Variants in MYO16 observed in about 807,000 individuals in gnomAD.
The protein encoded by MYO16 is unconventional myosin-XVI.
In MYO16, 94 loss-of-function variants were observed where a neutral mutation model predicts 205.3. The observed-to-expected ratio is 0.46, with a 90% CI of 0.39 to 0.54. MYO16 has a LOEUF of 0.54. Ranked by LOEUF, MYO16 falls within the 20% of genes least tolerant of loss-of-function variation. MYO16 has a pLI of 0.00. For missense variants in MYO16, 2,315 were observed against 2,387.5 expected (o/e 0.97, Z 0.63); for synonymous variants, 988 against 954.0 (o/e 1.04, Z -0.66).
chr13:109,017,783 G>A (rs373099801), intron 22 of MYO16, among the ~76,000 whole-genome samples: 12 of 152,178 alleles, frequency 7.9e-5, no homozygotes, highest in African/African-American at 2.2e-4. Flanking sequence ...CATGCGTCAC[G>A]TAGTTTTCAT....
the MYO16 span, among the ~76,000 whole-genome samples, chr13:108,580,329 T>C: frequency 6.6e-6 from 1 of 152,210 alleles, no homozygotes; most frequent in Non-Finnish European, 1.5e-5. Context: ...AACCAAAAGA[T>C]ACATGTGCGA....
rs189216477 is a variant in MYO16 at position 108,912,744 on chromosome 13, G to T, written c.1925+2594G>T. Among the ~76,000 whole-genome samples, 36 of 151,958 alleles carry T rather than the reference G, an allele frequency of 2.4e-4. 2 individuals are homozygous for T. The East Asian group carries it at 3.7e-3, about 16-fold the overall frequency. The stretch of plus-strand genomic sequence containing the variant: ...GCCTGTGAGGAAGAGAAGAGTTTTG[G>T]GTTTCTCTGCTCCCAATCCTTCTAA... On this transcript the variant is annotated intron_variant, in intron 16 of 34. Coordinates refer to ENST00000457511, the MANE Select transcript of MYO16 (RefSeq NM_001198950.3).
Position 109,141,183 on chromosome 13 carries a change from C to T in MYO16, c.4971C>T (p.Ile1657=). ...VAGPCSSFPK[I]PYSPVKATRA... is the part of the protein sequence containing the mutation. ...GGCCCTGCAGCTCCTTCCCCAAGATCCCATATTCCCCCGTGAAGGCCACCA... is the reference window on the plus strand; with the variant it reads ...GGCCCTGCAGCTCCTTCCCCAAGATTCCATATTCCCCCGTGAAGGCCACCA... The change falls in exon 32 of 35, where the codon ATC becomes ATT. Residue 1657 remains isoleucine (I), a synonymous_variant. Coordinates refer to ENST00000457511, the MANE Select transcript of MYO16 (RefSeq NM_001198950.3). The surrounding 1 kb of genome is among the most constrained non-coding windows in gnomAD (Gnocchi z 4.1). The T allele has an allele frequency of 1.2e-6, 2 of 1,608,286 alleles. No homozygotes were observed. Among genetic ancestry groups the T allele is most frequent in the Non-Finnish European group, 1.7e-6 (2 of 1,177,284 alleles).
At chr13:109,014,462 T>C (rs914286368) in intron 22 of MYO16, among the ~76,000 whole-genome samples, 1 of 152,170 alleles carries the variant, frequency 6.6e-6, no homozygotes, top group African/African-American at 2.4e-5. Flanking sequence ...CTTTTTTGGT[T>C]CCATATGAAC....
intron 33 of MYO16, among the ~76,000 whole-genome samples, chr13:109,176,630 G>T (rs1243151749): frequency 7.6e-6 from 1 of 131,316 alleles, no homozygotes; most frequent in Non-Finnish European, 1.5e-5. Context: ...GGCGCTTCCT[G>T]GCCGTCACTT....
chr13:108,579,086 G>T, the MYO16 span, among the ~76,000 whole-genome samples: 1 of 152,070 alleles, frequency 6.6e-6, no homozygotes, highest in Non-Finnish European at 1.5e-5. Flanking sequence ...CCTTTGTAGG[G>T]GATGTTAGGG....
intron 22 of MYO16, among the ~76,000 whole-genome samples, chr13:109,014,438 T>A (rs1296741588): frequency 1.3e-5 from 2 of 152,222 alleles, no homozygotes; most frequent in Non-Finnish European, 2.9e-5. Context: ...AGGGTTGTCT[T>A]GGCAATGCGG....
At chr13:109,034,866 C>T (rs542421371) in intron 23 of MYO16, among the ~76,000 whole-genome samples, 14 of 152,132 alleles carry the variant, frequency 9.2e-5, no homozygotes, top group African/African-American at 2.6e-4. Context: ...TTATGCTAAT[C>T]GATAAAATCA....
In MYO16 at chr13:109,054,985, CTTCCT is replaced by C. The variant is rs369913740; in HGVS notation, c.3049-42_3049-38del. 147 of 1,105,170 alleles carry C rather than the reference CTTCCT, an allele frequency of 1.3e-4. 1 individual carries two copies. Among genetic ancestry groups the C allele is most frequent in the East Asian group, 4.1e-4 (15 of 36,930 alleles). 68.5% of individuals were successfully genotyped at this position (1,105,170 alleles called of 1,614,324 possible). ...CCCTTCCTCCCTCCTTTTCCTCCTTCTTCCTTTCCTTTCCTTTCCTTTCTTTTCTC... is the reference window on the plus strand; with the variant it reads ...CCCTTCCTCCCTCCTTTTCCTCCTTCTTCCTTTCCTTTCCTTTCTTTTCTC... On this transcript the variant is annotated intron_variant, in intron 25 of 34. Transcript: ENST00000457511.
chr13:108,955,136 A>G (rs939140392), intron 16 of MYO16, among the ~76,000 whole-genome samples: 1 of 152,172 alleles, frequency 6.6e-6, no homozygotes, highest in Non-Finnish European at 1.5e-5. Flanking sequence ...TGCTCCCCTG[A>G]GATGGCACCA....
At chr13:108,643,274 G>C (rs902833045) in intron 1 of MYO16, among the ~76,000 whole-genome samples, 6 of 152,132 alleles carry the variant, frequency 3.9e-5, no homozygotes, top group Non-Finnish European at 8.8e-5. Flanking sequence ...TTCTGAGATT[G>C]GCTTTTAAAA....
At chr13:108,590,857 C>T in the MYO16 span, among the ~76,000 whole-genome samples, 4 of 152,142 alleles carry the variant, frequency 2.6e-5, no homozygotes, top group Admixed American at 6.5e-5. Context: ...AACCTCACCC[C>T]CTTGATTTCA....
chr13:108,664,660 C>A (rs1036739658), intron 1 of MYO16, among the ~76,000 whole-genome samples: 1 of 152,142 alleles, frequency 6.6e-6, no homozygotes, highest in Non-Finnish European at 1.5e-5. Flanking sequence ...TCCTTGAGAC[C>A]TGATATCATA....
At chr13:109,172,224 C>A (rs560644382) in intron 33 of MYO16, among the ~76,000 whole-genome samples, 1 of 152,024 alleles carries the variant, frequency 6.6e-6, no homozygotes, top group African/African-American at 2.4e-5. Context: ...TTCTTTGGAA[C>A]GCATACCCTT....
intron 1 of MYO16, among the ~76,000 whole-genome samples, chr13:108,661,115 A>G (rs911392858): frequency 6.6e-6 from 1 of 152,170 alleles, no homozygotes; most frequent in East Asian, 1.9e-4. Context: ...TAGGTCCCCA[A>G]GCCCTTGTAG....
intron 1 of MYO16, among the ~76,000 whole-genome samples, chr13:108,597,958 T>C (rs894303434): frequency 2.0e-5 from 3 of 152,224 alleles, no homozygotes; most frequent in African/African-American, 7.2e-5. Context: ...CCAGCCCTTA[T>C]TGCAAGTGAG....
chr13:108,841,790 C>A (rs1367589465), intron 9 of MYO16, among the ~76,000 whole-genome samples: 1 of 152,036 alleles, frequency 6.6e-6, no homozygotes, highest in Non-Finnish European at 1.5e-5. Context: ...TCAGAAGGAG[C>A]AAAGTTGAAA....
chr13:108,546,821 G>A, the MYO16 span, among the ~76,000 whole-genome samples: 1 of 152,112 alleles, frequency 6.6e-6, no homozygotes, highest in African/African-American at 2.4e-5. Context: ...ATAACATTTT[G>A]TATTTGCACA....
chr13:108,689,404 A>G (rs1440438488), intron 2 of MYO16, among the ~76,000 whole-genome samples: 1 of 152,136 alleles, frequency 6.6e-6, no homozygotes, highest in Non-Finnish European at 1.5e-5. Flanking sequence ...AAATACATAT[A>G]CAGACATTTT....
Sources: gnomAD v4.1 joint callset for allele counts (sites outside exome capture counted in the v4.1 genomes callset) on GRCh38, gnomAD v4.1.1 for gene constraint, Gnocchi (gnomAD v3.1) non-coding constraint, MANE v1.5 for transcripts, NCBI Gene and HGNC (gene_info 2026-07-23, HGNC 2026-07-21) for gene names.